PTK2B: variants seen among roughly 807,000 people sequenced by gnomAD.
PTK2B encodes protein tyrosine kinase 2 beta.
In PTK2B, 71 loss-of-function variants were observed where a neutral mutation model predicts 142.9. That is an observed-to-expected ratio of 0.50 (90% CI 0.41 to 0.61). PTK2B has a LOEUF of 0.61. Among genes scored for constraint, PTK2B ranks in the 20% least tolerant of loss-of-function variants. PTK2B has a pLI of 0.00. For synonymous variants in PTK2B, 519 were observed against 503.4 expected (o/e 1.03, Z -0.42); for missense variants, 1,105 against 1,320.4 (o/e 0.84, Z 2.53).
intron 1 of PTK2B, chr8:27,312,160 CT>C (rs1462970886): frequency 6.6e-6 from 1 of 152,224 alleles, no homozygotes; most frequent in Non-Finnish European, 1.5e-5. Flanking sequence ...AGTTTGATCA[CT>C]TTACAGCCTC....
intron 2 of PTK2B, among the ~76,000 whole-genome samples, chr8:27,406,480 C>A (rs1189153075): frequency 6.6e-6 from 1 of 152,128 alleles, no homozygotes; most frequent in East Asian, 1.9e-4. Context: ...GCCTTTTGTC[C>A]ATTTAAAAGC....
Position 27,419,930 on chromosome 8 carries a change from C to G in PTK2B, c.240C>G (p.Ile80Met). The change falls in exon 3 of 31, where the codon ATC (isoleucine) becomes ATG (methionine). Residue 80 changes from isoleucine to methionine, a missense_variant. Coordinates refer to ENST00000346049, the MANE Select transcript of PTK2B (RefSeq NM_173176.3). ...IITSILLSGR[I>M]GPNIRLAECY... Reference sequence around the variant, plus strand: ...CCTCCATCCTGCTGAGCGGGCGGATCGGGCCCAACATCCGGTTGGCTGAGT... The same window carrying G: ...CCTCCATCCTGCTGAGCGGGCGGATGGGGCCCAACATCCGGTTGGCTGAGT... 6.2e-7 allele frequency: 1 copy of G among 1,614,170 alleles called. No individual in the cohort carries two copies. The highest frequency in any genetic ancestry group is 8.5e-7 in the Non-Finnish European group (1 of 1,180,032).
At chr8:27,443,136 A>G (rs745507176) in intron 22 of PTK2B, among the ~76,000 whole-genome samples, 153 bp downstream of exon 22, 11 of 152,366 alleles carry the variant, frequency 7.2e-5, no homozygotes, top group Non-Finnish European at 1.6e-4. Context: ...AGCGTGTCAC[A>G]TCAGTGCCCT....
chr8:27,335,421 C>T (rs1160042337), intron 1 of PTK2B, among the ~76,000 whole-genome samples: 1 of 152,046 alleles, frequency 6.6e-6, no homozygotes. Context: ...GGAGAAACCC[C>T]ATCTGTACTA....
rs532833142 is a variant in PTK2B at position 27,389,308 on chromosome 8, G to A, written c.-37-8240G>A. On this transcript the variant is annotated intron_variant, in intron 1 of 30. Transcript: ENST00000346049. Reference sequence around the variant, plus strand: ...GGGAGGGAGGGAAGGAAGGAAAGAAGGAAGGAAGACAGGAGGGAAGACAGG... The same window carrying A: ...GGGAGGGAGGGAAGGAAGGAAAGAAAGAAGGAAGACAGGAGGGAAGACAGG... 6.6e-5 allele frequency among the ~76,000 whole-genome samples: 10 copies of A among 152,140 alleles called. No individual in the cohort carries two copies. In the East Asian group the frequency reaches 1.9e-3, roughly 29 times the overall value.
chr8:27,334,132 T>G (rs1002005022), intron 1 of PTK2B, among the ~76,000 whole-genome samples: 3 of 151,998 alleles, frequency 2.0e-5, no homozygotes, highest in Non-Finnish European at 2.9e-5. Flanking sequence ...TGCCTTTCAT[T>G]CCTTCCTTCC....
chr8:27,364,422 A>G (rs1016487881), intron 1 of PTK2B, among the ~76,000 whole-genome samples: 11 of 152,248 alleles, frequency 7.2e-5, no homozygotes, highest in African/African-American at 2.4e-4. Flanking sequence ...AAGGGTAAAC[A>G]TAGCACATTT....
intron 13 of PTK2B, among the ~76,000 whole-genome samples, chr8:27,434,824 A>G (rs1055155667): frequency 6.6e-6 from 1 of 152,026 alleles, no homozygotes; most frequent in African/African-American, 2.4e-5. Flanking sequence ...ACATGGTGAC[A>G]CCCCATTTCT....
chr8:27,356,398 C>G (rs1413376487), intron 1 of PTK2B, among the ~76,000 whole-genome samples: 1 of 152,192 alleles, frequency 6.6e-6, no homozygotes, highest in Non-Finnish European at 1.5e-5. Flanking sequence ...AGAGACTTCA[C>G]AGAATACTTG....
At chr8:27,425,152 A>G (rs908723087) in intron 5 of PTK2B, among the ~76,000 whole-genome samples, 1 of 151,536 alleles carries the variant, frequency 6.6e-6, no homozygotes, top group African/African-American at 2.4e-5. Flanking sequence ...TATATATGCT[A>G]CTATATAACA....
chr8:27,337,183 C>T (rs1490915013), intron 1 of PTK2B, among the ~76,000 whole-genome samples: 1 of 151,966 alleles, frequency 6.6e-6, no homozygotes, highest in Admixed American at 6.6e-5. Flanking sequence ...GTTGCCCAGG[C>T]TGGAGTGAAT....
At chr8:27,370,557 T>C (rs1171947642) in intron 1 of PTK2B, among the ~76,000 whole-genome samples, 1 of 152,230 alleles carries the variant, frequency 6.6e-6, no homozygotes, top group South Asian at 2.1e-4. Context: ...GATTTCCCTT[T>C]TGTAAAATAT....
intron 3 of PTK2B, among the ~76,000 whole-genome samples, chr8:27,317,699 A>G (rs1750838235): frequency 2.0e-5 from 3 of 152,190 alleles, no homozygotes; most frequent in Admixed American, 2.0e-4. Context: ...TGCTCCCTGT[A>G]GGAGGGACAT....
intron 1 of PTK2B, among the ~76,000 whole-genome samples, chr8:27,376,789 A>G (rs1239773981): frequency 6.6e-6 from 1 of 152,246 alleles, no homozygotes; most frequent in Non-Finnish European, 1.5e-5. Context: ...GGAGGCATGA[A>G]TAATCCACCC....
At chr8:27,400,582 T>C (rs769593162) in intron 2 of PTK2B, among the ~76,000 whole-genome samples, 1 of 151,934 alleles carries the variant, frequency 6.6e-6, no homozygotes, top group African/African-American at 2.4e-5. Flanking sequence ...ATTGAGTACA[T>C]CTAAGGAGAC....
At chr8:27,436,215 C>A in intron 14 of PTK2B, 36 bp from the exon 15 acceptor site, 1 of 1,603,938 alleles carries the variant, frequency 6.2e-7, no homozygotes, top group East Asian at 2.2e-5. Context: ...TACCACCGAT[C>A]TCTGTGATCT....
At chr8:27,311,127 C>A, upstream of PTK2B, 1 of 1,601,666 alleles carries the variant, frequency 6.2e-7, no homozygotes, top group South Asian at 1.1e-5. Context: ...AAGTTGTGGC[C>A]GCAGCGCAGA....
At chr8:27,451,294 G>T (rs906896719) in intron 26 of PTK2B, among the ~76,000 whole-genome samples, 191 bp from the exon 27 acceptor site, 1 of 152,124 alleles carries the variant, frequency 6.6e-6, no homozygotes, top group Admixed American at 6.5e-5. Context: ...GCTGTCTGTG[G>T]CCCTCCCCAG....
intron 5 of PTK2B, 73 bp downstream of exon 5, chr8:27,422,456 C>G (rs1179021995): frequency 1.7e-5 from 22 of 1,308,834 alleles, no homozygotes; most frequent in African/African-American, 4.5e-5. Flanking sequence ...TTCCCCATGT[C>G]CAAGATGGGA....
Sources: allele counts gnomAD v4.1 joint callset (sites outside exome capture counted in the v4.1 genomes callset), GRCh38; gene constraint gnomAD v4.1.1; transcripts MANE v1.5; gene names NCBI Gene and HGNC (gene_info 2026-07-23, HGNC 2026-07-21).